GPR89A: variants seen among roughly 807,000 people sequenced by gnomAD.
GPR89A encodes golgi pH regulator A, also known as G protein-coupled receptor 89A.
Under a neutral mutation model 52.0 loss-of-function variants are expected in GPR89A, and 16 were observed. The ratio of observed to expected loss-of-function variants is 0.31; its 90% confidence interval spans 0.21 to 0.47. GPR89A has a LOEUF of 0.47. Ranked by LOEUF, GPR89A falls within the 20% of genes least tolerant of loss-of-function variation. The pLI is 1.00. For synonymous variants in GPR89A, 55 were observed against 150.9 expected (o/e 0.36, Z 4.66); for missense variants, 135 against 449.4 (o/e 0.30, Z 6.33).
intron 5 of GPR89A, among the ~76,000 whole-genome samples, chr1:145,630,254 A>G (rs61813347): frequency 0.032 from 4,263 of 132,740 alleles, 105 homozygotes; most frequent in Non-Finnish European, 0.05. Flanking sequence ...AAAGAGTATC[A>G]CCTTAGGGGA....
At chr1:145,650,795 G>C in intron 10 of GPR89A, among the ~76,000 whole-genome samples, 1 of 151,668 alleles carries the variant, frequency 6.6e-6, no homozygotes, top group Admixed American at 6.6e-5. Context: ...GTCTTCTTTT[G>C]AGAATTGTCT....
intron 7 of GPR89A, among the ~76,000 whole-genome samples, chr1:145,632,616 A>G (rs1649956068): frequency 6.6e-6 from 1 of 152,242 alleles, no homozygotes; most frequent in Admixed American, 6.5e-5. Context: ...TTGTACATGT[A>G]TGCCATATCT....
intron 12 of GPR89A, among the ~76,000 whole-genome samples, chr1:145,669,052 TG>T (rs1553696979): frequency 6.6e-6 from 1 of 151,998 alleles, no homozygotes; most frequent in African/African-American, 2.4e-5. Flanking sequence ...TGCCAGGTTT[TG>T]GTATCAGGAT....
chr1:145,616,315 A>T, intron 2 of GPR89A, 22 bp downstream of exon 2: 1 of 1,589,118 alleles, frequency 6.3e-7, no homozygotes, highest in Non-Finnish European at 8.6e-7. Flanking sequence ...TCATTTTGTC[A>T]TACTTACACT....
chr1:145,663,622 A>T (rs1379403957), intron 11 of GPR89A, among the ~76,000 whole-genome samples, 198 bp downstream of exon 11: 8 of 152,134 alleles, frequency 5.3e-5, no homozygotes, highest in Admixed American at 2.0e-4. Flanking sequence ...AAAGGCCAAG[A>T]TTCTCTCTCT....
chr1:145,659,406 C>CT (rs1652034807), intron 10 of GPR89A, among the ~76,000 whole-genome samples: 1 of 151,844 alleles, frequency 6.6e-6, no homozygotes. Context: ...AGGCTGGTCT[C>CT]TAACTCCTAA....
chr1:145,647,873 C>A (rs1484759689), intron 10 of GPR89A, among the ~76,000 whole-genome samples: 70 of 80,626 alleles, frequency 8.7e-4, no homozygotes, highest in African/African-American at 1.7e-3. Context: ...CTCTCTCTCT[C>A]TCTCTCTATA....
chr1:145,660,585 C>T (rs1398140351), intron 10 of GPR89A, among the ~76,000 whole-genome samples: 2 of 152,102 alleles, frequency 1.3e-5, no homozygotes, highest in African/African-American at 4.8e-5. Context: ...CCAGAATCTA[C>T]AATGAACTCA....
intron 5 of GPR89A, among the ~76,000 whole-genome samples, chr1:145,625,543 G>A (rs1274069161): frequency 2.7e-5 from 4 of 146,936 alleles, no homozygotes; most frequent in Non-Finnish European, 4.4e-5. Context: ...GTTTCTCCAC[G>A]TTGCTCAGGA....
chr1:145,635,884 G>A (rs1359419322), intron 7 of GPR89A, among the ~76,000 whole-genome samples: 4 of 152,140 alleles, frequency 2.6e-5, no homozygotes, highest in Middle Eastern at 6.8e-3. Context: ...GCTTGAACCC[G>A]GGAGGCAGAG....
intron 7 of GPR89A, among the ~76,000 whole-genome samples, chr1:145,636,175 G>T (rs1174728622): frequency 6.6e-6 from 1 of 152,142 alleles, no homozygotes; most frequent in Non-Finnish European, 1.5e-5. Flanking sequence ...CTCCCAACGT[G>T]ACCCCGTTAC....
chr1:145,669,555 A>C, intron 12 of GPR89A, 70 bp from the exon 13 acceptor site: 1 of 1,527,800 alleles, frequency 6.5e-7, no homozygotes, highest in Non-Finnish European at 9.0e-7. Context: ...AATGTTAACC[A>C]TATTTCTTAC....
intron 5 of GPR89A, among the ~76,000 whole-genome samples, chr1:145,624,513 A>T (rs1306528392): frequency 2.7e-5 from 4 of 147,356 alleles, no homozygotes; most frequent in African/African-American, 1.1e-4. Flanking sequence ...TTTTTAAAAA[A>T]ATCTATATAT....
chr1:145,655,363 A>T (rs1416951068), intron 10 of GPR89A, among the ~76,000 whole-genome samples: 1 of 151,238 alleles, frequency 6.6e-6, no homozygotes, highest in Non-Finnish European at 1.5e-5. Flanking sequence ...TGTTGTGATC[A>T]TTTGGAGAAG....
chr1:145,636,968 G>A (rs1482351360), intron 7 of GPR89A, among the ~76,000 whole-genome samples: 1 of 152,048 alleles, frequency 6.6e-6, no homozygotes, highest in East Asian at 1.9e-4. Context: ...AAATGCAGAA[G>A]GACTAATATC....
At chr1:145,608,399 C>G (rs1553685431) in intron 1 of GPR89A, 2 of 851,790 alleles carry the variant, frequency 2.3e-6, no homozygotes, top group African/African-American at 3.4e-5. Context: ...CACCCGGCAT[C>G]CATCCCCGGA....
chr1:145,636,688 G>T (rs1385916260), intron 7 of GPR89A, among the ~76,000 whole-genome samples: 1 of 152,050 alleles, frequency 6.6e-6, no homozygotes, highest in Admixed American at 6.5e-5. Context: ...AATGACAGTG[G>T]AAAGAATTTA....
intron 2 of GPR89A, among the ~76,000 whole-genome samples, chr1:145,617,243 C>T (rs1403170890): frequency 5.9e-5 from 9 of 152,196 alleles, no homozygotes; most frequent in Admixed American, 5.9e-4. Context: ...AGCAGTATTT[C>T]TCCTACTCGC....
chr1:145,661,029 G>C (rs71255047), intron 10 of GPR89A, among the ~76,000 whole-genome samples: 2 of 149,446 alleles, frequency 1.3e-5, no homozygotes, highest in African/African-American at 2.4e-5. Flanking sequence ...TGGCACTATT[G>C]ACAATAGCAA....
Sources: gnomAD v4.1 joint callset for allele counts (sites outside exome capture counted in the v4.1 genomes callset) on GRCh38, gnomAD v4.1.1 for gene constraint, MANE v1.5 for transcripts, NCBI Gene and HGNC (gene_info 2026-07-23, HGNC 2026-07-21) for gene names.